HIF3A: variants seen among roughly 807,000 people sequenced by gnomAD.
HIF3A encodes hypoxia inducible factor 3 subunit alpha, also known as hypoxia-inducible factor 3-alpha.
A neutral mutation model predicts 67.2 loss-of-function variants in HIF3A; 41 were observed. The observed-to-expected ratio is 0.61, with a 90% confidence interval of 0.48 to 0.79. HIF3A has a LOEUF of 0.79. HIF3A is among the 30% of genes least tolerant of loss of function. HIF3A has a pLI of 0.00. For missense variants in HIF3A, 855 were observed against 898.0 expected (o/e 0.95, Z 0.61); for synonymous variants, 356 against 374.8 (o/e 0.95, Z 0.58).
chr19:46,321,545 C>T (rs1413359129), intron 9 of HIF3A, among the ~76,000 whole-genome samples: 4 of 152,196 alleles, frequency 2.6e-5, no homozygotes, highest in African/African-American at 9.7e-5. Context: ...GATAGTGCCA[C>T]TGCACTCCAT....
chr19:46,307,995 CAGACAGATAGAT>C (rs200129424), intron 3 of HIF3A, among the ~76,000 whole-genome samples: 657 of 26,904 alleles, frequency 0.024, 3 homozygotes, highest in African/African-American at 0.037. Context: ...GACAGACAGA[CAGACAGATAGAT>C]AGATAGATAG....
intron 14 of HIF3A, among the ~76,000 whole-genome samples, chr19:46,337,813 T>C (rs1476139170): frequency 6.6e-6 from 1 of 152,230 alleles, no homozygotes; most frequent in Middle Eastern, 3.2e-3. Flanking sequence ...CCTAACTTCA[T>C]ACGCTCATGG....
At chr19:46,298,466 C>T in intron 1 of HIF3A, 1 of 1,288,014 alleles carries the variant, frequency 7.8e-7, no homozygotes, top group Non-Finnish European at 1.0e-6. Context: ...ACCGCATCCC[C>T]TCCTGCACCC....
At chr19:46,324,979 C>G (rs867933321) in intron 10 of HIF3A, among the ~76,000 whole-genome samples, 3 of 113,196 alleles carry the variant, frequency 2.7e-5, no homozygotes, top group South Asian at 2.6e-4. Flanking sequence ...CACACACACA[C>G]ATATATTGTG....
Position 46,339,652 on chromosome 19 carries a change from TC to T in HIF3A, c.*35del. The T allele has an allele frequency of 1.3e-6, 2 of 1,509,432 alleles. No individual in the cohort carries two copies. The highest frequency in any genetic ancestry group is 1.9e-5 in the Admixed American group (1 of 51,928). The allele number at this position is 1,509,432 out of a possible 1,614,324, so 93.5% of individuals were successfully genotyped here. ...GCTCCTCTCCCCATCTGCCTTCTCC[TC>T]CCCCAGAAAGGACCTCAACCACACT... On this transcript the variant is annotated 3_prime_UTR_variant, in exon 15 of 15. Coordinates refer to ENST00000377670, the MANE Select transcript of HIF3A (RefSeq NM_152795.4).
chr19:46,330,937 A>G (rs1971167557), intron 12 of HIF3A, among the ~76,000 whole-genome samples: 1 of 151,208 alleles, frequency 6.6e-6, no homozygotes, highest in East Asian at 2.0e-4. Flanking sequence ...TAGGTGGATG[A>G]ATGGAAGGAT....
intron 10 of HIF3A, among the ~76,000 whole-genome samples, chr19:46,323,285 A>G (rs899254472): frequency 1.3e-5 from 2 of 151,450 alleles, no homozygotes; most frequent in Non-Finnish European, 2.9e-5. Context: ...TCCTGACCTC[A>G]TGATCCACCC....
At chr19:46,331,437 T>C (rs1376773554) in intron 13 of HIF3A, 164 bp downstream of exon 13, 3 of 458,480 alleles carry the variant, frequency 6.5e-6, no homozygotes, top group Admixed American at 3.6e-5. Context: ...GTTTCACTAA[T>C]GGGTATTAAA....
intron 1 of HIF3A, 116 bp from the exon 2 acceptor site, chr19:46,303,782 G>T: frequency 1.3e-6 from 2 of 1,497,312 alleles, no homozygotes; most frequent in Non-Finnish European, 1.8e-6. Flanking sequence ...GGCCTGCGCA[G>T]CCGCGGCCCA....
chr19:46,325,686 G>A, intron 11 of HIF3A, 47 bp downstream of exon 11: 1 of 1,306,662 alleles, frequency 7.7e-7, no homozygotes. Flanking sequence ...TGTGTTCTGG[G>A]GATTCACATA....
Position 46,314,917 on chromosome 19 carries a change from A to G in HIF3A, c.1025+2264A>G, listed in dbSNP as rs1969794984. Among the ~76,000 whole-genome samples the G allele has an allele frequency of 2.0e-5, 3 of 146,820 alleles. 1 individual carries two copies. Among genetic ancestry groups the G allele is most frequent in the African/African-American group, 7.4e-5 (3 of 40,528 alleles). Reference sequence around the variant, plus strand: ...TGTAGTAAACCCCTCCCACACTCCCATGTCCCTGGCAACCACTGTCCTCAG... The same window carrying G: ...TGTAGTAAACCCCTCCCACACTCCCGTGTCCCTGGCAACCACTGTCCTCAG... On this transcript the variant is annotated intron_variant, in intron 8 of 14. Transcript: ENST00000377670.
chr19:46,322,991 A>T (rs1271822131), intron 10 of HIF3A, among the ~76,000 whole-genome samples: 2 of 151,600 alleles, frequency 1.3e-5, no homozygotes, highest in African/African-American at 4.8e-5. Flanking sequence ...GCTTCATGAC[A>T]TCAGCATTCC....
Position 46,297,125 on chromosome 19 carries a change from G to A in HIF3A, c.26+23G>A. 2 of 1,259,490 alleles carry A rather than the reference G, an allele frequency of 1.6e-6. No individual in the cohort carries two copies. Among genetic ancestry groups the A allele is most frequent in the Middle Eastern group, 2.1e-4 (1 of 4,712 alleles). The allele number at this position is 1,259,490 out of a possible 1,614,324, so 78.0% of individuals were successfully genotyped here. On this transcript the variant is annotated intron_variant, in intron 1 of 14. Transcript: ENST00000377670. This position sits in a 1 kb window ranked among gnomAD's most constrained non-coding sequence, Gnocchi z 4.5. ...AAGGTACTGAAGTTCGGGGGCAGGA[G>A]TTCTGGGAATTGGGGGGCTCTCCTC...
intron 11 of HIF3A, among the ~76,000 whole-genome samples, chr19:46,326,954 C>T (rs1970827077): frequency 1.3e-5 from 2 of 152,046 alleles, no homozygotes; most frequent in Non-Finnish European, 2.9e-5. Context: ...GAGATCAAGA[C>T]CGTTCTGGCC....
At chr19:46,301,168 T>C (rs746607580) in intron 1 of HIF3A, among the ~76,000 whole-genome samples, 6 of 152,026 alleles carry the variant, frequency 3.9e-5, no homozygotes, top group Admixed American at 6.5e-5. Flanking sequence ...CAACCCTCCA[T>C]CCAAACTGCC....
intron 3 of HIF3A, among the ~76,000 whole-genome samples, chr19:46,305,765 AAAAAC>A: frequency 6.6e-6 from 1 of 152,306 alleles, no homozygotes; most frequent in East Asian, 1.9e-4. Flanking sequence ...GTGAGGAAAA[AAAAAC>A]AGAATAATTT....
rs564651297 is a variant in HIF3A, at chr19:46,304,774, T to C, written c.218-471T>C. ...AGAATTTTACTTTTCTTGGAGGCTT[T>C]ACCCCCTTAGAAGTCTGTTCCCTGG... is the stretch of plus-strand genomic sequence containing the variant. On this transcript the variant is annotated intron_variant, in intron 2 of 14. Transcript: ENST00000377670. Among the ~76,000 whole-genome samples, 8 of 152,250 alleles carry C rather than the reference T, an allele frequency of 5.3e-5. No individual in the cohort carries two copies. The South Asian group carries it at 1.4e-3, about 28-fold the overall frequency.
chr19:46,319,920 A>G (rs1009771466), intron 8 of HIF3A, among the ~76,000 whole-genome samples: 1 of 151,954 alleles, frequency 6.6e-6, no homozygotes, highest in Non-Finnish European at 1.5e-5. Context: ...GACAAACTTA[A>G]CTTTCTTTTA....
rs1967952037 is a variant in HIF3A, at chr19:46,297,449, T to C, written c.26+347T>C. On this transcript the variant is annotated intron_variant, in intron 1 of 14. Transcript: ENST00000377670. The surrounding 1 kb of genome is among the most constrained non-coding windows in gnomAD (Gnocchi z 4.5). ...GCAGTCCCCAGGCTTCTGCGGGAGATATTCGCCCTCCACATATTGATCCCT... is the reference window on the plus strand; with the variant it reads ...GCAGTCCCCAGGCTTCTGCGGGAGACATTCGCCCTCCACATATTGATCCCT... 6.6e-6 allele frequency among the ~76,000 whole-genome samples: 1 copy of C among 152,090 alleles called. No homozygotes were observed.
Sources: gnomAD v4.1 joint callset for allele counts (sites outside exome capture counted in the v4.1 genomes callset) on GRCh38, gnomAD v4.1.1 for gene constraint, Gnocchi (gnomAD v3.1) non-coding constraint, MANE v1.5 for transcripts, NCBI Gene and HGNC (gene_info 2026-07-23, HGNC 2026-07-21) for gene names.